The following KIRREL3 variants were observed in gnomAD, a reference collection of about 807,000 sequenced individuals.
KIRREL3 encodes the protein kirre like nephrin family adhesion molecule 3.
Under a neutral mutation model 89.7 loss-of-function variants are expected in KIRREL3, and 36 were observed. The observed-to-expected ratio is 0.40, with a 90% CI of 0.31 to 0.53. KIRREL3 has a LOEUF of 0.53. KIRREL3 is among the 20% of genes least tolerant of loss of function. The pLI, the probability that KIRREL3 is intolerant of heterozygous loss-of-function variation, is 0.49. For synonymous variants in KIRREL3, 445 were observed against 441.4 expected (o/e 1.01, Z -0.10); for missense variants, 864 against 1,056.6 (o/e 0.82, Z 2.53).
Position 126,703,034 on chromosome 11 carries a change from A to T in KIRREL3, c.56-140122T>A, listed in dbSNP as rs941021192. 2.6e-5 allele frequency among the ~76,000 whole-genome samples: 4 copies of T among 151,698 alleles called. No homozygotes were observed. The highest frequency in any genetic ancestry group is 9.7e-5 in the African/African-American group (4 of 41,218). On this transcript the variant is annotated intron_variant, in intron 1 of 16. Transcript: ENST00000525144. This position sits in a 1 kb window ranked among gnomAD's most constrained non-coding sequence, Gnocchi z 4.6. ...TTTTATTTTCAGAGTGGCAGGGAGG[A>T]TGGTTTATGGTGAGTATGGACCTAA...
Position 126,682,021 on chromosome 11 carries a change from C to T in KIRREL3, c.56-119109G>A, listed in dbSNP as rs879456496. On this transcript the variant is annotated intron_variant, in intron 1 of 16. Transcript: ENST00000525144. The surrounding 1 kb of genome is among the most constrained non-coding windows in gnomAD (Gnocchi z 4.8). ...GAGACCAGATGTCAAGACTGGACTACATCTTTATATTCATTTCCAGATTTA... is the reference window on the plus strand; with the variant it reads ...GAGACCAGATGTCAAGACTGGACTATATCTTTATATTCATTTCCAGATTTA... The T allele has an allele frequency of 2.7e-6, 1 of 369,212 alleles. No homozygotes were observed. Among genetic ancestry groups the T allele is most frequent in the Non-Finnish European group, 5.4e-6 (1 of 186,712 alleles). 22.9% of individuals were successfully genotyped at this position (369,212 alleles called of 1,614,324 possible). A position where few individuals can be genotyped will look rare whatever the true frequency, so the allele number is the denominator to read the frequency against.
Position 126,562,969 on chromosome 11 carries a change from G to C in KIRREL3, c.56-57C>G. On this transcript the variant is annotated intron_variant, in intron 1 of 16. Transcript: ENST00000525144. The surrounding 1 kb of genome is among the most constrained non-coding windows in gnomAD (Gnocchi z 4.7). Reference sequence around the variant, plus strand: ...AATGGGAACAGGTCAGGCATTGTTGGGGGGCCCTCTGCAGGGGGCTGTGGA... The same window carrying C: ...AATGGGAACAGGTCAGGCATTGTTGCGGGGCCCTCTGCAGGGGGCTGTGGA... 1 of 1,366,270 alleles carries C rather than the reference G, an allele frequency of 7.3e-7. No individual in the cohort carries two copies. Among genetic ancestry groups the C allele is most frequent in the Non-Finnish European group, 1.0e-6 (1 of 959,488 alleles). The allele number at this position is 1,366,270 out of a possible 1,614,324, so 84.6% of individuals were successfully genotyped here. A position where few individuals can be genotyped will look rare whatever the true frequency, so the allele number is the denominator to read the frequency against.
rs1039059520 is a variant in KIRREL3 at position 126,969,416 on chromosome 11, A to C, written c.55+31039T>G. ...TAAGTTTGGGGTGCTATGGGAACTC[A>C]GAGGAGGGAAAAAAGCCACTGAGGA... On this transcript the variant is annotated intron_variant, in intron 1 of 16. Transcript: ENST00000525144. This position sits in a 1 kb window ranked among gnomAD's most constrained non-coding sequence, Gnocchi z 4.9. Among the ~76,000 whole-genome samples the C allele has an allele frequency of 1.3e-5, 2 of 152,182 alleles. No individual in the cohort carries two copies. Among genetic ancestry groups the C allele is most frequent in the African/African-American group, 4.8e-5 (2 of 41,436 alleles).
chr11:126,691,815 A>G lies in KIRREL3; in HGVS notation c.56-128903T>C, dbSNP rs558765507. Reference sequence around the variant, plus strand: ...CTGAAGAGAAATACATAAATACAGCAATAAAAAATCAAATAACCAGATTTA... The same window carrying G: ...CTGAAGAGAAATACATAAATACAGCGATAAAAAATCAAATAACCAGATTTA... On this transcript the variant is annotated intron_variant, in intron 1 of 16. Transcript: ENST00000525144. Among the ~76,000 whole-genome samples the G allele has an allele frequency of 2.5e-4, 38 of 152,358 alleles. 1 individual carries two copies. The highest frequency in any genetic ancestry group is 1.2e-3 in the Admixed American group (19 of 15,304).
chr11:126,916,807 A>G (rs1309177197), intron 1 of KIRREL3, among the ~76,000 whole-genome samples: 1 of 152,198 alleles, frequency 6.6e-6, no homozygotes, highest in African/African-American at 2.4e-5. Context: ...AACTTCTCAC[A>G]TATGCACCTG....
In KIRREL3 at chr11:126,575,448, T is replaced by G. The variant is rs1217166954; in HGVS notation, c.56-12536A>C. 1.3e-5 allele frequency among the ~76,000 whole-genome samples: 2 copies of G among 152,178 alleles called. No homozygotes were observed. The highest frequency in any genetic ancestry group is 4.8e-5 in the African/African-American group (2 of 41,438). ...ACTGGAGATAATGTATGTACAATAC[T>G]GGGAGGGAAGGGTAAAGAGAGTTGT... is the stretch of plus-strand genomic sequence containing the variant. On this transcript the variant is annotated intron_variant, in intron 1 of 16. Coordinates refer to ENST00000525144, the MANE Select transcript of KIRREL3 (RefSeq NM_032531.4). This position sits in a 1 kb window ranked among gnomAD's most constrained non-coding sequence, Gnocchi z 7.0.
chr11:126,450,760 TG>T (rs1956046158), intron 7 of KIRREL3, among the ~76,000 whole-genome samples: 1 of 150,592 alleles, frequency 6.6e-6, no homozygotes, highest in African/African-American at 2.5e-5. Context: ...CATGTATGAC[TG>T]TGTGCATGTG....
chr11:126,640,613 C>T lies in KIRREL3; in HGVS notation c.56-77701G>A, dbSNP rs555484185. Among the ~76,000 whole-genome samples the T allele has an allele frequency of 6.6e-6, 1 of 152,116 alleles. No individual in the cohort carries two copies. The highest frequency in any genetic ancestry group is 1.5e-5 in the Non-Finnish European group (1 of 68,008). On this transcript the variant is annotated intron_variant, in intron 1 of 16. Transcript: ENST00000525144. This position sits in a 1 kb window ranked among gnomAD's most constrained non-coding sequence, Gnocchi z 4.9. Reference sequence around the variant, plus strand: ...ATTAATACACCTCATAGCATTTAGTCTGAACCTTACAGCATGGTCTTAAAG... The same window carrying T: ...ATTAATACACCTCATAGCATTTAGTTTGAACCTTACAGCATGGTCTTAAAG...
rs919383521 is a variant in KIRREL3 at position 126,948,032 on chromosome 11, C to T, written c.55+52423G>A. On this transcript the variant is annotated intron_variant, in intron 1 of 16. Transcript: ENST00000525144. This position sits in a 1 kb window ranked among gnomAD's most constrained non-coding sequence, Gnocchi z 4.5. Reference sequence around the variant, plus strand: ...CTGCTTGGCTACCCCAAAACTCCAACGCACCTCATTATTTCATAAGAGATG... The same window carrying T: ...CTGCTTGGCTACCCCAAAACTCCAATGCACCTCATTATTTCATAAGAGATG... Among the ~76,000 whole-genome samples the T allele has an allele frequency of 3.9e-5, 6 of 152,152 alleles. No homozygotes were observed. Among genetic ancestry groups the T allele is most frequent in the Non-Finnish European group, 5.9e-5 (4 of 68,034 alleles).
Position 126,611,188 on chromosome 11 carries a change from G to A in KIRREL3, c.56-48276C>T, listed in dbSNP as rs1442998991. The stretch of plus-strand genomic sequence containing the variant: ...TGGGAATAGTCATAGAAAAAGGATC[G>A]TGGGGAAATGAAACGAGAGAATACA... On this transcript the variant is annotated intron_variant, in intron 1 of 16. Transcript: ENST00000525144. This position sits in a 1 kb window ranked among gnomAD's most constrained non-coding sequence, Gnocchi z 4.7. Among the ~76,000 whole-genome samples, 3 of 152,206 alleles carry A rather than the reference G, an allele frequency of 2.0e-5. No homozygotes were observed. Among genetic ancestry groups the A allele is most frequent in the Non-Finnish European group, 2.9e-5 (2 of 68,030 alleles).
At chr11:126,821,355 A>ATAT (rs1440926983) in intron 1 of KIRREL3, among the ~76,000 whole-genome samples, 14 of 140,422 alleles carry the variant, frequency 1.0e-4, no homozygotes, top group South Asian at 4.7e-4. Context: ...ATATATATGT[A>ATAT]ACTTCCAACC....
Position 126,684,568 on chromosome 11 carries a change from C to T in KIRREL3, c.56-121656G>A, listed in dbSNP as rs1946595822. 6.6e-6 allele frequency among the ~76,000 whole-genome samples: 1 copy of T among 152,176 alleles called. No individual in the cohort carries two copies. ...TCACTTCAGTATTCTGATGAATTTA[C>T]CCTACCAGGCCAGTCAGAATCGACT... is the stretch of plus-strand genomic sequence containing the variant. On this transcript the variant is annotated intron_variant, in intron 1 of 16. Transcript: ENST00000525144. The surrounding 1 kb of genome is among the most constrained non-coding windows in gnomAD (Gnocchi z 4.2).
In KIRREL3 at chr11:126,729,563, A is replaced by G. The variant is rs1948529485; in HGVS notation, c.56-166651T>C. 6.6e-6 allele frequency among the ~76,000 whole-genome samples: 1 copy of G among 152,168 alleles called. No individual in the cohort carries two copies. Among genetic ancestry groups the G allele is most frequent in the African/African-American group, 2.4e-5 (1 of 41,432 alleles). ...CAATATGCCAGGGTACTGTCCCTGT[A>G]AACAATGAGGCTGGAAGGCAAGAAA... On this transcript the variant is annotated intron_variant, in intron 1 of 16. Coordinates refer to ENST00000525144, the MANE Select transcript of KIRREL3 (RefSeq NM_032531.4). This position sits in a 1 kb window ranked among gnomAD's most constrained non-coding sequence, Gnocchi z 4.5.
Position 126,852,201 on chromosome 11 carries a change from G to A in KIRREL3, c.55+148254C>T, listed in dbSNP as rs139959138. On this transcript the variant is annotated intron_variant, in intron 1 of 16. Coordinates refer to ENST00000525144, the MANE Select transcript of KIRREL3 (RefSeq NM_032531.4). ...CCCAAGTAGCTGGGACCACAGGTGC[G>A]TGCCACCACGCCCAGCTAATGTTTG... is the stretch of plus-strand genomic sequence containing the variant. Among the ~76,000 whole-genome samples, 425 of 152,060 alleles carry A rather than the reference G, an allele frequency of 2.8e-3. 1 individual carries two copies. The highest frequency in any genetic ancestry group is 9.5e-3 in the African/African-American group (393 of 41,486).
At chr11:126,552,550 GTTTTTTTTTT>G (rs59392843) in intron 2 of KIRREL3, among the ~76,000 whole-genome samples, 29 of 81,772 alleles carry the variant, frequency 3.5e-4, no homozygotes, top group South Asian at 1.2e-3. Context: ...AGAGAGAAAA[GTTTTTTTTTT>G]TTTTTTTTTT....
intron 1 of KIRREL3, among the ~76,000 whole-genome samples, chr11:126,746,218 G>A (rs577951038): frequency 5.3e-5 from 8 of 152,254 alleles, no homozygotes; most frequent in East Asian, 1.9e-4. Context: ...GCCAGACACC[G>A]TCCTGGGCAT....
At chr11:126,875,863 T>A (rs1474730102) in intron 1 of KIRREL3, among the ~76,000 whole-genome samples, 3 of 152,318 alleles carry the variant, frequency 2.0e-5, no homozygotes, top group South Asian at 2.1e-4. Context: ...GAAAACATAA[T>A]AACACAGTGT....
At chr11:126,449,187 C>T in intron 7 of KIRREL3, 30 bp from the exon 8 acceptor site, 1 of 1,609,672 alleles carries the variant, frequency 6.2e-7, no homozygotes, top group Non-Finnish European at 8.5e-7. Context: ...CTGATGTGGG[C>T]CTTGAGTGGC....
rs1943021828 is a variant in KIRREL3 at position 126,609,281 on chromosome 11, C to T, written c.56-46369G>A. 6.6e-6 allele frequency among the ~76,000 whole-genome samples: 1 copy of T among 152,156 alleles called. No individual in the cohort carries two copies. The highest frequency in any genetic ancestry group is 2.4e-5 in the African/African-American group (1 of 41,422). ...CAGTTTCCCTAATGTCTCTCCTTAG[C>T]CTCTTGCAGAGAGGGCTAATGTATG... is the stretch of plus-strand genomic sequence containing the variant. On this transcript the variant is annotated intron_variant, in intron 1 of 16. Coordinates refer to ENST00000525144, the MANE Select transcript of KIRREL3 (RefSeq NM_032531.4). The surrounding 1 kb of genome is among the most constrained non-coding windows in gnomAD (Gnocchi z 5.0).
Sources: gnomAD v4.1 joint callset for allele counts (sites outside exome capture counted in the v4.1 genomes callset) on GRCh38, gnomAD v4.1.1 for gene constraint, Gnocchi (gnomAD v3.1) non-coding constraint, MANE v1.5 for transcripts, NCBI Gene and HGNC (gene_info 2026-07-23, HGNC 2026-07-21) for gene names.